The following DHRSX variants were observed in gnomAD, a reference collection of about 807,000 sequenced individuals.
DHRSX encodes polyprenol dehydrogenase.
A neutral mutation model predicts 34.0 loss-of-function variants in DHRSX; 31 were observed. The ratio of observed to expected loss-of-function variants is 0.91; its 90% CI spans 0.69 to 1.23. The LOEUF (loss-of-function observed/expected upper bound fraction) is 1.23. DHRSX is among the 50% of genes most tolerant of loss of function. DHRSX has a pLI of 0.00. For synonymous variants in DHRSX, 201 were observed against 183.8 expected, an observed-to-expected ratio of 1.09 and a Z score of -0.76; for missense variants, 414 against 428.1, an observed-to-expected ratio of 0.97 and a Z score of 0.29.
chrX:2,400,545 A>C (rs956259560), intron 3 of DHRSX, among the ~76,000 whole-genome samples: 1 of 152,158 alleles, frequency 6.6e-6, no homozygotes, highest in Non-Finnish European at 1.5e-5. Flanking sequence ...ACTGAGGTAG[A>C]TTGTCTCGGG....
intron 1 of DHRSX, among the ~76,000 whole-genome samples, chrX:2,453,783 T>C (rs1432539796): frequency 2.7e-5 from 4 of 149,410 alleles, no homozygotes; most frequent in African/African-American, 9.7e-5. Context: ...TCTTTCACAA[T>C]GACTAAAAGT....
At chrX:2,447,137 G>C (rs1746491415) in intron 1 of DHRSX, among the ~76,000 whole-genome samples, 1 of 151,940 alleles carries the variant, frequency 6.6e-6, no homozygotes, top group African/African-American at 2.4e-5. Context: ...TGTGGCCAAG[G>C]AACAGCACTG....
intron 6 of DHRSX, among the ~76,000 whole-genome samples, chrX:2,238,397 C>T (rs189012086): frequency 9.2e-5 from 14 of 151,948 alleles, no homozygotes; most frequent in Non-Finnish European, 2.9e-5. Context: ...CTTCTGGTAC[C>T]GACTGGTCGC....
chrX:2,259,669 G>A (rs2041336333), intron 5 of DHRSX, among the ~76,000 whole-genome samples: 1 of 152,110 alleles, frequency 6.6e-6, no homozygotes, highest in Non-Finnish European at 1.5e-5. Context: ...AGTGGACAGG[G>A]TCGTGCTCTC....
At chrX:2,233,419 G>A (rs1302166594) in intron 6 of DHRSX, among the ~76,000 whole-genome samples, 1 of 151,598 alleles carries the variant, frequency 6.6e-6, no homozygotes, top group African/African-American at 2.4e-5. Context: ...CAAGAGGACA[G>A]AAGATGTATA....
chrX:2,439,602 C>T (rs1285104146), intron 1 of DHRSX, among the ~76,000 whole-genome samples: 3 of 152,122 alleles, frequency 2.0e-5, no homozygotes, highest in South Asian at 4.1e-4. Flanking sequence ...ATGAAACTCA[C>T]CATCGTGTAG....
At chrX:2,402,230 C>T (rs766676279) in intron 3 of DHRSX, among the ~76,000 whole-genome samples, 2 of 152,194 alleles carry the variant, frequency 1.3e-5, no homozygotes, top group East Asian at 1.9e-4. Flanking sequence ...TACCCGATGC[C>T]GGGATCCCAG....
At chrX:2,243,365 G>A (rs1283768444) in intron 5 of DHRSX, 135 bp from the exon 6 acceptor site, 17 of 690,298 alleles carry the variant, frequency 2.5e-5, no homozygotes, top group Non-Finnish European at 3.9e-5. Flanking sequence ...GTGTGATCAT[G>A]CCATCTGTTG....
intron 3 of DHRSX, among the ~76,000 whole-genome samples, chrX:2,365,725 C>T (rs2042987554): frequency 6.6e-6 from 1 of 152,072 alleles, no homozygotes; most frequent in African/African-American, 2.4e-5. Flanking sequence ...GATACTCCAC[C>T]ATAGCAAAGG....
chrX:2,233,344 AAAT>A (rs1294367989), intron 6 of DHRSX, among the ~76,000 whole-genome samples: 1 of 147,840 alleles, frequency 6.8e-6, no homozygotes, highest in Admixed American at 6.9e-5. Context: ...CCTGTGGCTT[AAAT>A]AACACATCCT....
intron 3 of DHRSX, among the ~76,000 whole-genome samples, chrX:2,315,884 CAG>C (rs1305253171): frequency 2.0e-5 from 3 of 152,064 alleles, no homozygotes; most frequent in Admixed American, 6.6e-5. Context: ...TTCTTTGAGA[CAG>C]AGTCTCACTC....
chrX:2,383,553 A>C (rs1281696140), intron 3 of DHRSX, among the ~76,000 whole-genome samples: 1 of 152,174 alleles, frequency 6.6e-6, no homozygotes, highest in South Asian at 2.1e-4. Context: ...CACCATTATC[A>C]TCAACATCAT....
intron 3 of DHRSX, among the ~76,000 whole-genome samples, chrX:2,359,196 T>C (rs1365884796): frequency 6.6e-6 from 1 of 152,128 alleles, no homozygotes; most frequent in Non-Finnish European, 1.5e-5. Flanking sequence ...GTGTGGCCAT[T>C]CCTCAAAGAC....
At chrX:2,426,870 C>T (rs2043857455) in intron 1 of DHRSX, among the ~76,000 whole-genome samples, 1 of 151,818 alleles carries the variant, frequency 6.6e-6, no homozygotes, top group African/African-American at 2.4e-5. Flanking sequence ...CTTCCTCCTT[C>T]CTTCTGTCCA....
intron 3 of DHRSX, among the ~76,000 whole-genome samples, chrX:2,349,483 T>C (rs1196051684): frequency 1.3e-5 from 2 of 151,362 alleles, no homozygotes; most frequent in African/African-American, 2.4e-5. Flanking sequence ...GTTAGGAGTT[T>C]GAGACCAGCC....
At chrX:2,239,423 C>T (rs1231173480) in intron 6 of DHRSX, among the ~76,000 whole-genome samples, 3 of 147,030 alleles carry the variant, frequency 2.0e-5, no homozygotes, top group Non-Finnish European at 4.5e-5. Context: ...AAAAAAAATG[C>T]ACAGCAGCCA....
intron 3 of DHRSX, among the ~76,000 whole-genome samples, chrX:2,302,574 T>C (rs182100197): frequency 6.6e-6 from 1 of 151,938 alleles, no homozygotes; most frequent in African/African-American, 2.4e-5. Flanking sequence ...ATCGCACCAC[T>C]GCACTCCAGC....
chrX:2,368,958 G>A (rs2043025796), intron 3 of DHRSX, among the ~76,000 whole-genome samples: 1 of 152,066 alleles, frequency 6.6e-6, no homozygotes, highest in African/African-American at 2.4e-5. Context: ...ATAAATAAAA[G>A]TAAATAAGTA....
At chrX:2,224,730 ACG>A (rs1326678597) in intron 6 of DHRSX, among the ~76,000 whole-genome samples, 1 of 152,118 alleles carries the variant, frequency 6.6e-6, no homozygotes, top group Non-Finnish European at 1.5e-5. Context: ...ACTCATGCAT[ACG>A]CACACACACA....
Sources: gnomAD v4.1 joint callset for allele counts (sites outside exome capture counted in the v4.1 genomes callset) on GRCh38, gnomAD v4.1.1 for gene constraint, MANE v1.5 for transcripts, NCBI Gene and HGNC (gene_info 2026-07-23, HGNC 2026-07-21) for gene names.